Variants in UXS1 observed in about 807,000 individuals in gnomAD.
UXS1 encodes the protein UDP-glucuronic acid decarboxylase 1.
In UXS1, 33 loss-of-function variants were observed where a neutral mutation model predicts 62.6. That is an observed-to-expected ratio of 0.53 (90% CI 0.40 to 0.70). The LOEUF (loss-of-function observed/expected upper bound fraction) is 0.70. UXS1 is among the 30% of genes least tolerant of loss of function. The pLI, the probability that UXS1 is intolerant of heterozygous loss-of-function variation, is 0.00. For synonymous variants in UXS1, 213 were observed against 206.8 expected, an observed-to-expected ratio of 1.03 and a Z score of -0.26; for missense variants, 434 against 556.3, an observed-to-expected ratio of 0.78 and a Z score of 2.21.
intron 10 of UXS1, 138 bp downstream of exon 10, chr2:106,112,508 C>T: frequency 1.5e-6 from 2 of 1,375,000 alleles, no homozygotes; most frequent in South Asian, 2.9e-5. Flanking sequence ...CTGCCTTCCC[C>T]TTAGTGGAGG....
At position 106,112,747 on chromosome 2, in the gene UXS1, C is replaced by T. The variant is rs1678722434; in HGVS notation, c.778G>A (p.Val260Met). The T allele has an allele frequency of 1.2e-6, 2 of 1,613,828 alleles. No homozygotes were observed. The highest frequency in any genetic ancestry group is 1.3e-5 in the African/African-American group (1 of 74,946). The change falls in exon 10 of 15, where the codon GTG becomes ATG. Residue 260 changes from valine to methionine, a missense_variant. By Grantham distance (21) the Val-to-Met change is conservative (BLOSUM62 1). This residue lies in a region of UXS1 where 209 missense variants were observed against 233.3 expected (regional missense o/e 0.90). Coordinates refer to ENST00000283148, the MANE Select transcript of UXS1 (RefSeq NM_001253875.2). ...YMKQEGVEVRVARIFNTFGPR... is the reference protein window; with the variant it reads ...YMKQEGVEVRMARIFNTFGPR... ...CCAAAGGTGTTGAAGATTCTGGCCA[C>T]TCGCACTTCCACGCCTTCCTGGAAC...
chr2:106,134,225 T>C (rs1407378755), intron 6 of UXS1, among the ~76,000 whole-genome samples: 2 of 116,072 alleles, frequency 1.7e-5, no homozygotes, highest in Non-Finnish European at 3.6e-5. Flanking sequence ...GTTGAATCTC[T>C]GAATAGACCA....
intron 4 of UXS1, among the ~76,000 whole-genome samples, chr2:106,161,049 T>C (rs1008048333): frequency 2.6e-5 from 4 of 152,154 alleles, no homozygotes; most frequent in Non-Finnish European, 2.9e-5. Context: ...CTCCTTGCAG[T>C]AATGGGTGAC....
chr2:106,121,544 C>T (rs1679522972), intron 9 of UXS1, among the ~76,000 whole-genome samples: 1 of 152,150 alleles, frequency 6.6e-6, no homozygotes, highest in African/African-American at 2.4e-5. Context: ...CTCCTAAGTA[C>T]CCATGCACAC....
At chr2:106,104,714 G>T in intron 11 of UXS1, 80 bp downstream of exon 11, 1 of 1,546,122 alleles carries the variant, frequency 6.5e-7, no homozygotes. Flanking sequence ...ACATATACAA[G>T]ACACTGAACT....
Position 106,100,197 on chromosome 2 carries a change from T to TTGAA in UXS1, c.984+857_984+860dup, listed in dbSNP as rs531424649. On this transcript the variant is annotated intron_variant, in intron 12 of 14. Transcript: ENST00000283148. ...CTGCCATCAACAGAAGCAGAACATC[T>TTGAA]TGAATGCTGGACAGTCCACATTGGA... 5.6e-3 allele frequency among the ~76,000 whole-genome samples: 854 copies of TTGAA among 152,300 alleles called. 4 individuals are homozygous for TTGAA. The highest frequency in any genetic ancestry group is 0.02 in the African/African-American group (820 of 41,558).
At chr2:106,170,178 G>A (rs1683463785) in intron 1 of UXS1, among the ~76,000 whole-genome samples, 2 of 152,118 alleles carry the variant, frequency 1.3e-5, no homozygotes, top group South Asian at 2.1e-4. Context: ...CCCCCTGCAT[G>A]TGACTCTCCA....
intron 7 of UXS1, among the ~76,000 whole-genome samples, chr2:106,128,421 T>C (rs1312621110): frequency 1.3e-5 from 2 of 152,044 alleles, no homozygotes; most frequent in Non-Finnish European, 2.9e-5. Context: ...TGTCCGGGGG[T>C]ATCTGTGAAG....
At chr2:106,185,362 C>G (rs1684493597) in intron 1 of UXS1, among the ~76,000 whole-genome samples, 1 of 152,192 alleles carries the variant, frequency 6.6e-6, no homozygotes, top group African/African-American at 2.4e-5. Flanking sequence ...AACCCTGTTT[C>G]TACCTACAGA....
intron 1 of UXS1, among the ~76,000 whole-genome samples, chr2:106,190,032 G>A (rs1199020594): frequency 1.3e-5 from 2 of 152,140 alleles, no homozygotes; most frequent in Non-Finnish European, 1.5e-5. Flanking sequence ...AGAAGGCCCC[G>A]GGGCCCTTCT....
chr2:106,165,000 A>T (rs1365633262), intron 2 of UXS1, among the ~76,000 whole-genome samples: 1 of 152,212 alleles, frequency 6.6e-6, no homozygotes, highest in African/African-American at 2.4e-5. Context: ...CCATCTGTGA[A>T]CATGCTCAGT....
At chr2:106,194,040 A>T (rs1188853909) in intron 1 of UXS1, 108 bp downstream of exon 1, 38 of 769,610 alleles carry the variant, frequency 4.9e-5, no homozygotes, top group Non-Finnish European at 6.5e-5. Context: ...GGCGGGGAGC[A>T]ACGCGGGGCT....
At position 106,143,408 on chromosome 2, in the gene UXS1, C is replaced by CAAA. The variant is rs60493984; in HGVS notation, c.472+1779_472+1781dup. Among the ~76,000 whole-genome samples, 179 of 38,630 alleles carry CAAA rather than the reference C, an allele frequency of 4.6e-3. 18 individuals are homozygous for CAAA. Among genetic ancestry groups the CAAA allele is most frequent in the African/African-American group, 9.9e-3 (83 of 8,418 alleles). 25.3% of individuals were successfully genotyped at this position (38,630 alleles called of 152,430 possible). On this transcript the variant is annotated intron_variant, in intron 6 of 14. Transcript: ENST00000283148. The stretch of plus-strand genomic sequence containing the variant: ...TGGGCAACAGAGAGAGACTCCGTCT[C>CAAA]AAAAAAAAAAAAAAAAAAAAAAAAA...
chr2:106,179,971 T>C (rs1288397429), intron 1 of UXS1, among the ~76,000 whole-genome samples: 1 of 152,130 alleles, frequency 6.6e-6, no homozygotes, highest in Non-Finnish European at 1.5e-5. Flanking sequence ...TAGCCGGGCA[T>C]GGTGGTGTGC....
intron 1 of UXS1, 144 bp downstream of exon 1, chr2:106,194,004 G>C (rs1415030284): frequency 4.1e-6 from 2 of 485,046 alleles, no homozygotes. Context: ...AAAGGGGTGG[G>C]AGCAGAAAGC....
intron 6 of UXS1, among the ~76,000 whole-genome samples, chr2:106,139,930 C>G (rs1251259131): frequency 6.6e-6 from 1 of 152,194 alleles, no homozygotes; most frequent in African/African-American, 2.4e-5. Context: ...ACACTTGAGT[C>G]AGAGGTCTTA....
chr2:106,151,679 T>C (rs533471160), intron 5 of UXS1, among the ~76,000 whole-genome samples: 18 of 152,300 alleles, frequency 1.2e-4, no homozygotes, highest in African/African-American at 4.3e-4. Context: ...TCTGACAACA[T>C]GGCAACAAAA....
intron 5 of UXS1, among the ~76,000 whole-genome samples, chr2:106,151,471 G>A (rs1325864172): frequency 6.6e-6 from 1 of 152,072 alleles, no homozygotes; most frequent in Admixed American, 6.5e-5. Flanking sequence ...GAATGAGTTA[G>A]GTCCCCTTTG....
At chr2:106,180,236 C>A (rs1018051091) in intron 1 of UXS1, among the ~76,000 whole-genome samples, 4 of 152,208 alleles carry the variant, frequency 2.6e-5, no homozygotes, top group African/African-American at 9.6e-5. Flanking sequence ...AAGGAAACAA[C>A]CAGTAACCCA....
Sources: gnomAD v4.1 joint callset for allele counts (sites outside exome capture counted in the v4.1 genomes callset) on GRCh38, gnomAD v4.1.1 for gene constraint, gnomAD v4.1.1 regional missense constraint, MANE v1.5 for transcripts, NCBI Gene and HGNC (gene_info 2026-07-23, HGNC 2026-07-21) for gene names.